The following ELMO1 variants were observed in gnomAD, a reference collection of about 807,000 sequenced individuals.
The protein encoded by ELMO1 is engulfment and cell motility protein 1.
ELMO1 carries 26 observed loss-of-function variants against 98.9 expected under a neutral mutation model. The ratio of observed to expected loss-of-function variants is 0.26; its 90% CI spans 0.19 to 0.36. ELMO1 has a LOEUF of 0.36. ELMO1 is among the 10% of genes least tolerant of loss of function. The pLI is 1.00. For missense variants in ELMO1, 627 were observed against 935.2 expected, an observed-to-expected ratio of 0.67 and a Z score of 4.30; for synonymous variants, 346 against 346.0, an observed-to-expected ratio of 1.00 and a Z score of 0.00.
At chr7:37,364,091 C>T (rs1001228052) in intron 1 of ELMO1, among the ~76,000 whole-genome samples, 1 of 152,184 alleles carries the variant, frequency 6.6e-6, no homozygotes, top group African/African-American at 2.4e-5. Context: ...GTCCTCTCCC[C>T]ACAGAAGTCA....
Position 36,901,296 on chromosome 7 carries a change from T to C in ELMO1, c.1438-6279A>G, listed in dbSNP as rs190477969. 2.7e-3 allele frequency among the ~76,000 whole-genome samples: 407 copies of C among 152,272 alleles called. 5 individuals carry two copies. Among genetic ancestry groups the C allele is most frequent in the African/African-American group, 9.3e-3 (388 of 41,540 alleles). Reference sequence around the variant, plus strand: ...TGAAGGAGAGAGAAAATAAAGGTGCTGTCTGGGCTGAAGGAGTAGCAGTTG... The same window carrying C: ...TGAAGGAGAGAGAAAATAAAGGTGCCGTCTGGGCTGAAGGAGTAGCAGTTG... On this transcript the variant is annotated intron_variant, in intron 16 of 21. Coordinates refer to ENST00000310758, the MANE Select transcript of ELMO1 (RefSeq NM_014800.11).
At chr7:36,928,466 T>G (rs1026840172) in intron 16 of ELMO1, among the ~76,000 whole-genome samples, 1 of 152,230 alleles carries the variant, frequency 6.6e-6, no homozygotes, top group Admixed American at 6.5e-5. Context: ...AATGGCATTC[T>G]GTATTTGAAA....
In ELMO1 at chr7:37,204,227, T is replaced by C. The variant is rs558767930; in HGVS notation, c.1086+7159A>G. ...CTTGCTGACTTCAAGAATGAAGCCA[T>C]GGACCCTCACAGTGAGTGTTACAGT... is the stretch of plus-strand genomic sequence containing the variant. On this transcript the variant is annotated intron_variant, in intron 13 of 21. Transcript: ENST00000310758. 4.8e-5 allele frequency: 22 copies of C among 455,780 alleles called. No individual in the cohort carries two copies. In the East Asian group the frequency reaches 1.5e-3, roughly 30 times the overall value. 28.2% of individuals were successfully genotyped at this position (455,780 alleles called of 1,614,324 possible).
chr7:36,862,109 A>G (rs1802685892), intron 20 of ELMO1: 1 of 225,326 alleles, frequency 4.4e-6, no homozygotes, highest in Middle Eastern at 1.7e-3. Context: ...CAGAGAGGCC[A>G]CAAAAACAAA....
intron 2 of ELMO1, among the ~76,000 whole-genome samples, chr7:37,320,584 G>C (rs1212839059): frequency 6.6e-6 from 1 of 152,124 alleles, no homozygotes; most frequent in African/African-American, 2.4e-5. Context: ...CTAAATAGAT[G>C]TAATTACTCC....
intron 1 of ELMO1, among the ~76,000 whole-genome samples, chr7:37,396,050 T>C (rs899421863): frequency 1.3e-5 from 2 of 152,152 alleles, no homozygotes; most frequent in Admixed American, 6.5e-5. Flanking sequence ...CACTCCTTGG[T>C]GAGAATAATG....
intron 16 of ELMO1, among the ~76,000 whole-genome samples, chr7:36,945,611 G>A (rs1259366076): frequency 1.3e-5 from 2 of 152,210 alleles, no homozygotes; most frequent in African/African-American, 2.4e-5. Context: ...GGCTCACTGT[G>A]TTTCCCTTAG....
chr7:37,066,604 T>C (rs928778952), intron 15 of ELMO1, among the ~76,000 whole-genome samples: 2 of 152,106 alleles, frequency 1.3e-5, no homozygotes, highest in Non-Finnish European at 2.9e-5. Flanking sequence ...TTAATAATAA[T>C]ATATAGTTAC....
At chr7:37,278,927 C>G (rs913350740) in intron 4 of ELMO1, among the ~76,000 whole-genome samples, 1 of 152,102 alleles carries the variant, frequency 6.6e-6, no homozygotes. Context: ...AGGGGCCAGG[C>G]GCGGTGGCTC....
intron 13 of ELMO1, among the ~76,000 whole-genome samples, chr7:37,190,639 G>A (rs775437210): frequency 2.0e-5 from 3 of 151,814 alleles, no homozygotes; most frequent in African/African-American, 2.4e-5. Flanking sequence ...CTGGGATTAC[G>A]GGCACCCTGC....
At chr7:37,170,358 G>A (rs976538644) in intron 13 of ELMO1, among the ~76,000 whole-genome samples, 2 of 152,194 alleles carry the variant, frequency 1.3e-5, no homozygotes, top group African/African-American at 4.8e-5. Flanking sequence ...TGAATTAGCA[G>A]AATGGGTCTC....
intron 15 of ELMO1, among the ~76,000 whole-genome samples, chr7:37,061,712 ATTAT>A (rs2129214182): frequency 6.6e-6 from 1 of 152,336 alleles, no homozygotes; most frequent in South Asian, 2.1e-4. Context: ...ACGAGCATGG[ATTAT>A]TTAAAAATAA....
At chr7:36,897,963 G>A (rs1806172512) in intron 16 of ELMO1, among the ~76,000 whole-genome samples, 1 of 152,240 alleles carries the variant, frequency 6.6e-6, no homozygotes, top group South Asian at 2.1e-4. Flanking sequence ...ACAGAGGTTG[G>A]TGGAGTCAAA....
intron 13 of ELMO1, among the ~76,000 whole-genome samples, chr7:37,200,891 C>T (rs564251623): frequency 7.5e-4 from 114 of 151,148 alleles, no homozygotes; most frequent in African/African-American, 2.6e-3. Flanking sequence ...GCAGTTGAGC[C>T]GAGATCGCAC....
intron 1 of ELMO1, among the ~76,000 whole-genome samples, chr7:37,404,703 A>G (rs1434264414): frequency 6.6e-6 from 1 of 152,198 alleles, no homozygotes; most frequent in Non-Finnish European, 1.5e-5. Context: ...CAAACTTAGC[A>G]TAAAAAGGAG....
At chr7:37,083,683 G>C (rs1783604315) in intron 15 of ELMO1, among the ~76,000 whole-genome samples, 1 of 152,294 alleles carries the variant, frequency 6.6e-6, no homozygotes, top group East Asian at 1.9e-4. Context: ...CTGCAGACAG[G>C]CCAGAAAGCC....
intron 4 of ELMO1, among the ~76,000 whole-genome samples, chr7:37,289,069 G>T (rs1797544290): frequency 6.6e-6 from 1 of 152,194 alleles, no homozygotes; most frequent in African/African-American, 2.4e-5. Context: ...TGCCCAAGAA[G>T]AATGGGCATC....
chr7:37,267,022 AAAAAATATG>A lies in ELMO1; in HGVS notation c.243+4801_243+4809del, dbSNP rs1247970836. ...AGCAAGACTCCATCTAAAAAAAAAA[AAAAAATATG>A]TATATATACACACACACACACACAC... On this transcript the variant is annotated intron_variant, in intron 5 of 21. Coordinates refer to ENST00000310758, the MANE Select transcript of ELMO1 (RefSeq NM_014800.11). Among the ~76,000 whole-genome samples, 173 of 96,008 alleles carry A rather than the reference AAAAAATATG, an allele frequency of 1.8e-3. 8 individuals carry two copies. Among genetic ancestry groups the A allele is most frequent in the Middle Eastern group, 5.1e-3 (1 of 196 alleles). 63.0% of individuals were successfully genotyped at this position (96,008 alleles called of 152,430 possible).
intron 16 of ELMO1, among the ~76,000 whole-genome samples, chr7:37,003,384 G>A (rs1792823137): frequency 6.6e-6 from 1 of 152,148 alleles, no homozygotes; most frequent in Non-Finnish European, 1.5e-5. Flanking sequence ...GAAAAGAAAA[G>A]AGAAAAGAAG....
Sources: gnomAD v4.1 joint callset for allele counts (sites outside exome capture counted in the v4.1 genomes callset) on GRCh38, gnomAD v4.1.1 for gene constraint, MANE v1.5 for transcripts, NCBI Gene and HGNC (gene_info 2026-07-23, HGNC 2026-07-21) for gene names.